SCAPER: variants seen among roughly 807,000 people sequenced by gnomAD.
The protein encoded by SCAPER is S phase cyclin A-associated protein in the endoplasmic reticulum.
Under a neutral mutation model 182.2 loss-of-function variants are expected in SCAPER, and 98 were observed. The ratio of observed to expected loss-of-function variants is 0.54; its 90% CI spans 0.46 to 0.64. The LOEUF is 0.64. SCAPER is among the 30% of genes least tolerant of loss of function. The pLI is 0.00. For synonymous variants in SCAPER, 605 were observed against 564.6 expected (o/e 1.07, Z -1.01); for missense variants, 1,432 against 1,690.0 (o/e 0.85, Z 2.68).
At position 76,709,831 on chromosome 15, in the gene SCAPER, G is replaced by T. The variant is rs1346530386; in HGVS notation, c.2166-3847C>A. ...AAACTATTGTATATCATGACAAAGT[G>T]GGAATTAACCCAAGAATGCAAGGTT... On this transcript the variant is annotated intron_variant, in intron 17 of 31. Coordinates refer to ENST00000563290, the MANE Select transcript of SCAPER (RefSeq NM_020843.4). Among the ~76,000 whole-genome samples, 3 of 152,096 alleles carry T rather than the reference G, an allele frequency of 2.0e-5. No individual in the cohort carries two copies. In the East Asian group the frequency reaches 5.8e-4, roughly 29 times the overall value.
intron 24 of SCAPER, among the ~76,000 whole-genome samples, chr15:76,486,580 T>C (rs1198436675): frequency 6.6e-6 from 1 of 152,054 alleles, no homozygotes; most frequent in East Asian, 1.9e-4. Flanking sequence ...ATGACATACA[T>C]GCAGCCAACA....
intron 28 of SCAPER, among the ~76,000 whole-genome samples, chr15:76,378,956 G>C (rs1204083162): frequency 6.6e-6 from 1 of 152,130 alleles, no homozygotes; most frequent in African/African-American, 2.4e-5. Context: ...CCTAGCTGTA[G>C]CCATGACATC....
At chr15:76,576,476 A>G (rs905761839) in intron 22 of SCAPER, among the ~76,000 whole-genome samples, 1 of 152,222 alleles carries the variant, frequency 6.6e-6, no homozygotes, top group African/African-American at 2.4e-5. Context: ...AAAAACGCAA[A>G]AACTGATGCA....
rs186853842 is a variant in SCAPER at position 76,778,450 on chromosome 15, T to C, written c.773-3333A>G. 4.0e-5 allele frequency among the ~76,000 whole-genome samples: 6 copies of C among 151,794 alleles called. 1 individual carries two copies. The East Asian group carries it at 1.2e-3, about 29-fold the overall frequency. On this transcript the variant is annotated intron_variant, in intron 8 of 31. Transcript: ENST00000563290. ...ATACTATGAGTAAATCAAAAGAGAA[T>C]CAAAAAAACTTTCAAGTACCCCATA... is the stretch of plus-strand genomic sequence containing the variant.
intron 22 of SCAPER, among the ~76,000 whole-genome samples, chr15:76,609,039 A>G (rs561344406): frequency 1.3e-5 from 2 of 151,958 alleles, no homozygotes; most frequent in South Asian, 4.2e-4. Context: ...TCCTGCCCCT[A>G]CTGTCTGGCA....
chr15:76,838,166 G>A (rs3106377), intron 5 of SCAPER, among the ~76,000 whole-genome samples: 23,218 of 152,118 alleles, frequency 0.15, 1,983 homozygotes, highest in African/African-American at 0.24. Context: ...CCCATCAATG[G>A]TAGACTGGAT....
At chr15:76,755,585 A>C (rs975919282) in intron 14 of SCAPER, among the ~76,000 whole-genome samples, 2 of 152,148 alleles carry the variant, frequency 1.3e-5, no homozygotes, top group Non-Finnish European at 2.9e-5. Flanking sequence ...TGTAGTATGG[A>C]GCCTCTGAGA....
intron 25 of SCAPER, among the ~76,000 whole-genome samples, chr15:76,435,249 C>T (rs74024112): frequency 0.013 from 2,021 of 152,254 alleles, 43 homozygotes; most frequent in African/African-American, 0.046. Context: ...ACAGCACTAT[C>T]GACTGCATAG....
At chr15:76,793,348 AG>A in intron 8 of SCAPER, 1 of 699,538 alleles carries the variant, frequency 1.4e-6, no homozygotes, top group South Asian at 1.6e-5. Context: ...TGAGTTGACA[AG>A]TGGCTGGCAG....
intron 17 of SCAPER, among the ~76,000 whole-genome samples, chr15:76,718,109 T>C (rs1371042529): frequency 6.6e-6 from 1 of 152,004 alleles, no homozygotes; most frequent in Non-Finnish European, 1.5e-5. Context: ...AAACTAGAAA[T>C]CAATAAAATG....
intron 22 of SCAPER, among the ~76,000 whole-genome samples, chr15:76,589,799 C>T (rs1332808637): frequency 6.6e-6 from 1 of 152,192 alleles, no homozygotes; most frequent in Non-Finnish European, 1.5e-5. Flanking sequence ...TCTGGAAGGA[C>T]CCCTGTGAGA....
At chr15:76,719,054 T>C (rs2060049075) in intron 17 of SCAPER, among the ~76,000 whole-genome samples, 1 of 152,144 alleles carries the variant, frequency 6.6e-6, no homozygotes, top group Non-Finnish European at 1.5e-5. Flanking sequence ...TCTGGCAATA[T>C]ACCCAAAGGA....
At position 76,645,895 on chromosome 15, in the gene SCAPER, C is replaced by A. The variant is rs961202433; in HGVS notation, c.2645+19758G>T. Among the ~76,000 whole-genome samples, 2 of 152,200 alleles carry A rather than the reference C, an allele frequency of 1.3e-5. 1 individual carries two copies. On this transcript the variant is annotated intron_variant, in intron 21 of 31. Transcript: ENST00000563290. ...AAAAATTAGATTTAACATTAGATTT[C>A]ACCTCAAAGTTCTGTCAGAATCCTG...
At chr15:76,638,478 A>G (rs1050912223) in intron 21 of SCAPER, among the ~76,000 whole-genome samples, 2 of 152,154 alleles carry the variant, frequency 1.3e-5, no homozygotes, top group African/African-American at 4.8e-5. Context: ...ACTAAGTATG[A>G]TATGTCCTCT....
intron 22 of SCAPER, among the ~76,000 whole-genome samples, chr15:76,616,787 A>C (rs1245304469): frequency 2.6e-5 from 4 of 152,146 alleles, no homozygotes; most frequent in Non-Finnish European, 5.9e-5. Context: ...GAATTTAAGT[A>C]GCATTACTAC....
At chr15:76,530,468 T>C (rs999990120) in intron 23 of SCAPER, among the ~76,000 whole-genome samples, 6 of 152,186 alleles carry the variant, frequency 3.9e-5, no homozygotes, top group African/African-American at 1.4e-4. Context: ...ATTATCTAAA[T>C]GTGGTCTGAG....
intron 7 of SCAPER, chr15:76,797,140 A>G (rs938074537): frequency 6.6e-6 from 1 of 152,226 alleles, no homozygotes; most frequent in Non-Finnish European, 1.5e-5. Flanking sequence ...TAACTGTGAC[A>G]TGAAGTTAGG....
chr15:76,703,927 C>T (rs141913053), intron 18 of SCAPER, among the ~76,000 whole-genome samples: 1 of 152,024 alleles, frequency 6.6e-6, no homozygotes, highest in African/African-American at 2.4e-5. Context: ...CAGTCTTCTA[C>T]CTTAGGGGTT....
chr15:76,414,592 T>G (rs116699271), intron 26 of SCAPER, among the ~76,000 whole-genome samples: 2,393 of 152,022 alleles, frequency 0.016, 65 homozygotes, highest in African/African-American at 0.055. Flanking sequence ...AAAAAAATTG[T>G]CAAGCATGGA....
Sources: gnomAD v4.1 joint callset for allele counts (sites outside exome capture counted in the v4.1 genomes callset) on GRCh38, gnomAD v4.1.1 for gene constraint, MANE v1.5 for transcripts, NCBI Gene and HGNC (gene_info 2026-07-23, HGNC 2026-07-21) for gene names.